Variants in GRID2 observed in about 807,000 individuals in gnomAD.
GRID2 encodes the protein glutamate ionotropic receptor delta type subunit 2, also known as glutamate receptor ionotropic, delta-2.
A neutral mutation model predicts 114.8 loss-of-function variants in GRID2; 33 were observed. The ratio of observed to expected loss-of-function variants is 0.29; its 90% CI spans 0.22 to 0.38. The LOEUF (loss-of-function observed/expected upper bound fraction) is 0.38, where lower values mean the gene tolerates loss of function less well. Ranked by LOEUF, GRID2 falls within the 10% of genes least tolerant of loss-of-function variation. The pLI, the probability that GRID2 is intolerant of heterozygous loss-of-function variation, is 1.00. For missense variants in GRID2, 1,184 were observed against 1,257.7 expected (o/e 0.94, Z 0.89); for synonymous variants, 505 against 449.9 (o/e 1.12, Z -1.55).
At chr4:93,467,350 C>A (rs1724383839) in intron 11 of GRID2, among the ~76,000 whole-genome samples, 1 of 152,026 alleles carries the variant, frequency 6.6e-6, no homozygotes, top group Admixed American at 6.6e-5. Context: ...GAACAATGAC[C>A]AAGTTCCTAA....
chr4:93,410,745 G>A (rs984034765), intron 9 of GRID2, among the ~76,000 whole-genome samples: 4 of 152,144 alleles, frequency 2.6e-5, no homozygotes, highest in African/African-American at 9.7e-5. Context: ...CAACATGCCT[G>A]GCTAATTTTG....
intron 9 of GRID2, among the ~76,000 whole-genome samples, chr4:93,411,156 CT>C (rs1767091286): frequency 2.0e-5 from 3 of 151,952 alleles, no homozygotes; most frequent in Non-Finnish European, 4.4e-5. Context: ...AAGTTACTTG[CT>C]AATATTTTAG....
At chr4:92,656,588 T>G (rs2149265918) in intron 2 of GRID2, among the ~76,000 whole-genome samples, 2 of 151,918 alleles carry the variant, frequency 1.3e-5, no homozygotes, top group East Asian at 3.9e-4. Flanking sequence ...CAAAATGTAC[T>G]AAAACTTTAA....
chr4:92,431,947 C>T (rs1177590704), intron 1 of GRID2, among the ~76,000 whole-genome samples: 1 of 152,258 alleles, frequency 6.6e-6, no homozygotes, highest in Non-Finnish European at 1.5e-5. Context: ...ATTGTGTCTG[C>T]ATTGGGGGAA....
chr4:93,602,920 G>A (rs1739839589), intron 13 of GRID2, among the ~76,000 whole-genome samples: 2 of 152,196 alleles, frequency 1.3e-5, no homozygotes, highest in Admixed American at 6.5e-5. Flanking sequence ...TGATAAGACA[G>A]GGAAACAGGT....
chr4:93,716,474 A>T (rs1280784978), intron 14 of GRID2, among the ~76,000 whole-genome samples: 4 of 152,178 alleles, frequency 2.6e-5, no homozygotes, highest in Non-Finnish European at 4.4e-5. Flanking sequence ...TATTGTCAAC[A>T]GAATATATTA....
intron 14 of GRID2, among the ~76,000 whole-genome samples, chr4:93,665,297 A>G (rs1578513097): frequency 6.6e-6 from 1 of 152,280 alleles, no homozygotes; most frequent in East Asian, 1.9e-4. Flanking sequence ...AGTCCCTCAG[A>G]TGGTCAAGTT....
At chr4:92,778,031 G>A (rs147556862) in intron 2 of GRID2, among the ~76,000 whole-genome samples, 2 of 152,180 alleles carry the variant, frequency 1.3e-5, no homozygotes, top group African/African-American at 4.8e-5. Flanking sequence ...CATTTAGGGT[G>A]CCACTAGGAT....
chr4:92,731,399 C>T (rs969012115), intron 2 of GRID2, among the ~76,000 whole-genome samples: 1 of 151,820 alleles, frequency 6.6e-6, no homozygotes, highest in African/African-American at 2.4e-5. Flanking sequence ...TTGCAACAAC[C>T]TAGTAAAGTA....
chr4:93,726,297 A>T (rs1358947145), intron 14 of GRID2, among the ~76,000 whole-genome samples: 1 of 152,078 alleles, frequency 6.6e-6, no homozygotes, highest in Non-Finnish European at 1.5e-5. Flanking sequence ...ATAGTTGTAG[A>T]TATGCGGCAT....
intron 8 of GRID2, among the ~76,000 whole-genome samples, chr4:93,316,116 G>T (rs1448777419): frequency 6.6e-6 from 1 of 151,838 alleles, no homozygotes; most frequent in Non-Finnish European, 1.5e-5. Flanking sequence ...GTTGACTTTG[G>T]TTTTGGAAGC....
chr4:93,502,044 A>G (rs1560688350), intron 12 of GRID2, among the ~76,000 whole-genome samples: 1 of 152,072 alleles, frequency 6.6e-6, no homozygotes, highest in East Asian at 1.9e-4. Flanking sequence ...TGCTTGGAGT[A>G]TACTGCTTAG....
intron 2 of GRID2, among the ~76,000 whole-genome samples, chr4:92,922,540 T>G (rs1286017579): frequency 6.6e-6 from 1 of 152,220 alleles, no homozygotes; most frequent in East Asian, 1.9e-4. Flanking sequence ...AAAAATGAAC[T>G]GCTCTGAACT....
chr4:93,093,907 G>C (rs1730988718), intron 3 of GRID2, among the ~76,000 whole-genome samples: 1 of 152,018 alleles, frequency 6.6e-6, no homozygotes, highest in African/African-American at 2.4e-5. Flanking sequence ...GGCACTTTCT[G>C]TTTCAAGTAG....
At chr4:92,452,185 G>T (rs1720960668) in intron 1 of GRID2, among the ~76,000 whole-genome samples, 1 of 152,080 alleles carries the variant, frequency 6.6e-6, no homozygotes, top group South Asian at 2.1e-4. Context: ...AACAGTGAAA[G>T]TTTTAATAAA....
intron 8 of GRID2, among the ~76,000 whole-genome samples, chr4:93,319,106 C>G (rs936378261): frequency 2.0e-5 from 3 of 151,982 alleles, no homozygotes; most frequent in Non-Finnish European, 4.4e-5. Context: ...TGAGCTGGAA[C>G]AAGCTGATTA....
chr4:92,417,856 A>T (rs1317018553), intron 1 of GRID2, among the ~76,000 whole-genome samples: 1 of 152,206 alleles, frequency 6.6e-6, no homozygotes, highest in Non-Finnish European at 1.5e-5. Context: ...GTGGTAGTGA[A>T]TAAGTCTCAT....
chr4:93,771,483 C>T (rs1231317168), intron 15 of GRID2, among the ~76,000 whole-genome samples: 1 of 152,112 alleles, frequency 6.6e-6, no homozygotes, highest in Admixed American at 6.5e-5. Context: ...TGCATAAATC[C>T]CTCAATTAGA....
chr4:93,652,524 G>T lies in GRID2; in HGVS notation c.2360+26089G>T, dbSNP rs1460163508. On this transcript the variant is annotated intron_variant, in intron 14 of 15. Transcript: ENST00000282020. ...ATTCTGTATAGTAACATGCAGTACA[G>T]GTTTGAACCCAGGAGCAATAGGCTA... 3.3e-5 allele frequency among the ~76,000 whole-genome samples: 5 copies of T among 152,120 alleles called. No individual in the cohort carries two copies. The South Asian group carries it at 1.0e-3, about 32-fold the overall frequency.
Sources: gnomAD v4.1 joint callset for allele counts (sites outside exome capture counted in the v4.1 genomes callset) on GRCh38, gnomAD v4.1.1 for gene constraint, MANE v1.5 for transcripts, NCBI Gene and HGNC (gene_info 2026-07-23, HGNC 2026-07-21) for gene names.